The following ANKS1B variants were observed in gnomAD, a reference collection of about 807,000 sequenced individuals.
ANKS1B encodes ankyrin repeat and sterile alpha motif domain containing 1B, also known as ankyrin repeat and sterile alpha motif domain-containing protein 1B.
Under a neutral mutation model 148.3 loss-of-function variants are expected in ANKS1B, and 36 were observed. The observed-to-expected ratio is 0.24, with a 90% confidence interval of 0.19 to 0.32. ANKS1B has a LOEUF of 0.32. Among genes scored for constraint, ANKS1B ranks in the 10% least tolerant of loss-of-function variants. The probability of loss-of-function intolerance (pLI) is 1.00; values close to 1 mark genes in which losing one functional copy is unlikely to be tolerated. For missense variants in ANKS1B, 1,157 were observed against 1,542.6 expected (o/e 0.75, Z 4.19); for synonymous variants, 542 against 560.8 (o/e 0.97, Z 0.47).
chr12:99,784,463 C>T (rs1308424682), intron 4 of ANKS1B, among the ~76,000 whole-genome samples: 4 of 152,150 alleles, frequency 2.6e-5, no homozygotes, highest in Admixed American at 1.3e-4. Flanking sequence ...TGAGCCACCG[C>T]GCCTGGCCCC....
At chr12:98,995,924 A>T (rs1287336668) in intron 17 of ANKS1B, among the ~76,000 whole-genome samples, 1 of 152,194 alleles carries the variant, frequency 6.6e-6, no homozygotes, top group Non-Finnish European at 1.5e-5. Flanking sequence ...AGCTTCACAG[A>T]CAGTCAGAGG....
At chr12:99,024,861 C>T (rs752660543) in intron 17 of ANKS1B, among the ~76,000 whole-genome samples, 1 of 152,130 alleles carries the variant, frequency 6.6e-6, no homozygotes, top group Non-Finnish European at 1.5e-5. Flanking sequence ...GGCCATGTAC[C>T]AGGCAATTAG....
At chr12:99,485,327 G>A (rs1345018825) in intron 10 of ANKS1B, among the ~76,000 whole-genome samples, 3 of 152,048 alleles carry the variant, frequency 2.0e-5, no homozygotes, top group Non-Finnish European at 4.4e-5. Flanking sequence ...TAAGAAGGTT[G>A]AAGATAGGAC....
At chr12:99,411,720 G>T (rs2094714542) in intron 11 of ANKS1B, among the ~76,000 whole-genome samples, 1 of 152,122 alleles carries the variant, frequency 6.6e-6, no homozygotes, top group African/African-American at 2.4e-5. Flanking sequence ...TAGAGATTGG[G>T]CTTGCATTTT....
intron 11 of ANKS1B, among the ~76,000 whole-genome samples, chr12:99,411,378 T>C (rs2094700478): frequency 6.6e-6 from 1 of 152,204 alleles, no homozygotes; most frequent in African/African-American, 2.4e-5. Context: ...GCCAAGGACA[T>C]GATTTCATTC....
At chr12:99,464,487 C>G (rs1373917792) in intron 10 of ANKS1B, among the ~76,000 whole-genome samples, 1 of 152,078 alleles carries the variant, frequency 6.6e-6, no homozygotes, top group African/African-American at 2.4e-5. Context: ...GACGATCAAA[C>G]TACTCCAAGC....
chr12:99,110,597 GAA>G (rs2060099820), intron 15 of ANKS1B, among the ~76,000 whole-genome samples: 1 of 152,150 alleles, frequency 6.6e-6, no homozygotes, highest in Admixed American at 6.6e-5. Flanking sequence ...TAAAAGCAAA[GAA>G]TGAAAATTCA....
chr12:99,780,519 T>C (rs1406536194), intron 5 of ANKS1B, among the ~76,000 whole-genome samples: 2 of 152,060 alleles, frequency 1.3e-5, no homozygotes, highest in Non-Finnish European at 2.9e-5. Flanking sequence ...CCTGACCTCG[T>C]GATCTGCCCA....
At chr12:99,430,299 A>G (rs1380428590) in intron 11 of ANKS1B, among the ~76,000 whole-genome samples, 1 of 152,178 alleles carries the variant, frequency 6.6e-6, no homozygotes, top group Admixed American at 6.5e-5. Context: ...AGAAAAGCTT[A>G]GAAAGATAGG....
chr12:99,792,921 T>C (rs1260502874), intron 4 of ANKS1B, among the ~76,000 whole-genome samples: 2 of 151,962 alleles, frequency 1.3e-5, no homozygotes, highest in African/African-American at 4.8e-5. Context: ...TGTTTGCAGA[T>C]AATACAATCT....
chr12:99,626,994 C>T lies in ANKS1B; in HGVS notation c.1272+28073G>A, dbSNP rs558038139. On this transcript the variant is annotated intron_variant, in intron 9 of 26. Coordinates refer to ENST00000683438, the MANE Select transcript of ANKS1B (RefSeq NM_001352186.2). Reference sequence around the variant, plus strand: ...TAATAAAATAATAGACACCACTTTCCCTTTTCTCTCACAAATTCCCTTATA... The same window carrying T: ...TAATAAAATAATAGACACCACTTTCTCTTTTCTCTCACAAATTCCCTTATA... Among the ~76,000 whole-genome samples the T allele has an allele frequency of 6.6e-5, 10 of 152,244 alleles. No homozygotes were observed. The South Asian group carries it at 1.9e-3, about 28-fold the overall frequency.
intron 9 of ANKS1B, among the ~76,000 whole-genome samples, chr12:99,559,492 A>C (rs961128887): frequency 2.6e-5 from 4 of 152,220 alleles, no homozygotes; most frequent in African/African-American, 7.2e-5. Context: ...TGTTAAGATG[A>C]TCACATAGAA....
intron 12 of ANKS1B, among the ~76,000 whole-genome samples, chr12:99,263,288 C>A (rs762161628): frequency 6.6e-6 from 1 of 152,022 alleles, no homozygotes; most frequent in Non-Finnish European, 1.5e-5. Context: ...CTCATGCCCA[C>A]GCCCCGTTTT....
At chr12:99,660,363 CTTTTTTT>C (rs71088137) in intron 8 of ANKS1B, among the ~76,000 whole-genome samples, 2 of 120,566 alleles carry the variant, frequency 1.7e-5, no homozygotes, top group Non-Finnish European at 3.3e-5. Flanking sequence ...TTTTCTTTTT[CTTTTTTT>C]TTTTTTTTTT....
At chr12:99,462,789 G>T (rs567506372) in intron 10 of ANKS1B, among the ~76,000 whole-genome samples, 2 of 152,278 alleles carry the variant, frequency 1.3e-5, no homozygotes, top group East Asian at 1.9e-4. Context: ...CTCATGAATG[G>T]CCTGGTGCCC....
intron 17 of ANKS1B, among the ~76,000 whole-genome samples, chr12:98,986,452 ATTC>A (rs1429087860): frequency 2.0e-5 from 3 of 151,978 alleles, no homozygotes; most frequent in East Asian, 3.9e-4. Context: ...CCTCTGACAT[ATTC>A]TTCTTCTGTG....
intron 15 of ANKS1B, among the ~76,000 whole-genome samples, chr12:99,106,096 C>T (rs901949654): frequency 6.6e-6 from 1 of 152,170 alleles, no homozygotes; most frequent in African/African-American, 2.4e-5. Flanking sequence ...GGGATCTCTG[C>T]AAGGGCTCAG....
At chr12:99,530,165 C>G (rs777962692) in intron 9 of ANKS1B, among the ~76,000 whole-genome samples, 1 of 152,162 alleles carries the variant, frequency 6.6e-6, no homozygotes, top group African/African-American at 2.4e-5. Flanking sequence ...CTAGTGACCA[C>G]AGATTGCCAG....
At chr12:99,751,885 G>T (rs2061142517) in intron 8 of ANKS1B, among the ~76,000 whole-genome samples, 1 of 152,080 alleles carries the variant, frequency 6.6e-6, no homozygotes, top group Admixed American at 6.6e-5. Flanking sequence ...AAGATTAGAA[G>T]TAATGTTTTG....
Sources: allele counts gnomAD v4.1 joint callset (sites outside exome capture counted in the v4.1 genomes callset), GRCh38; gene constraint gnomAD v4.1.1; transcripts MANE v1.5; gene names NCBI Gene and HGNC (gene_info 2026-07-23, HGNC 2026-07-21).